Variants in TMEM200A observed in about 807,000 individuals in gnomAD.
TMEM200A encodes two transmembrane C.
In TMEM200A, 12 loss-of-function variants were observed where a neutral mutation model predicts 24.3. That is an observed-to-expected ratio of 0.49 (90% CI 0.32 to 0.80). TMEM200A has a LOEUF of 0.80. Among genes scored for constraint, TMEM200A ranks in the 30% least tolerant of loss-of-function variants. The probability of loss-of-function intolerance (pLI) is 0.04; values close to 1 mark genes in which losing one functional copy is unlikely to be tolerated. For missense variants in TMEM200A, 545 were observed against 614.4 expected, an observed-to-expected ratio of 0.89 and a Z score of 1.19; for synonymous variants, 224 against 224.4, an observed-to-expected ratio of 1.00 and a Z score of 0.02.
chr6:130,386,151 A>C (rs73611678), intron 2 of TMEM200A, among the ~76,000 whole-genome samples: 15,846 of 152,172 alleles, frequency 0.1, 1,448 homozygotes, highest in African/African-American at 0.25. Context: ...CTGAGTAATC[A>C]CAGCCCCTCT....
intron 1 of TMEM200A, among the ~76,000 whole-genome samples, chr6:130,374,186 C>A (rs1331510722): frequency 6.6e-6 from 1 of 152,088 alleles, no homozygotes; most frequent in African/African-American, 2.4e-5. Flanking sequence ...GGATGAGAGC[C>A]CCTTTTTGCA....
At chr6:130,423,327 C>T (rs1450202375) in intron 2 of TMEM200A, among the ~76,000 whole-genome samples, 1 of 152,090 alleles carries the variant, frequency 6.6e-6, no homozygotes, top group Non-Finnish European at 1.5e-5. Flanking sequence ...GAAAAAGTCT[C>T]AAATAAATGA....
chr6:130,415,626 A>G (rs1032596130), intron 2 of TMEM200A, among the ~76,000 whole-genome samples: 7 of 152,192 alleles, frequency 4.6e-5, no homozygotes, highest in Non-Finnish European at 8.8e-5. Context: ...CGAGAAATCT[A>G]TCCACCCCTC....
intron 2 of TMEM200A, among the ~76,000 whole-genome samples, chr6:130,404,587 A>G (rs1255983842): frequency 6.6e-6 from 1 of 152,160 alleles, no homozygotes; most frequent in African/African-American, 2.4e-5. Context: ...TGTCAGATGC[A>G]TAGTTTGCAA....
At chr6:130,372,732 C>G (rs1265871954) in intron 1 of TMEM200A, among the ~76,000 whole-genome samples, 1 of 152,108 alleles carries the variant, frequency 6.6e-6, no homozygotes, top group Non-Finnish European at 1.5e-5. Context: ...TTTGTATCTG[C>G]TTAGGTGTGT....
At chr6:130,399,572 G>T (rs1309233314) in intron 2 of TMEM200A, among the ~76,000 whole-genome samples, 1 of 151,308 alleles carries the variant, frequency 6.6e-6, no homozygotes, top group Non-Finnish European at 1.5e-5. Flanking sequence ...GACAAATTTT[G>T]TTTAAAAACA....
rs17053432 is a variant in TMEM200A at position 130,441,142 on chromosome 6, G to T, written c.720G>T (p.Gly240=). 0.025 allele frequency: 39,545 copies of T among 1,614,010 alleles called. 506 individuals are homozygous for T. Among genetic ancestry groups the T allele is most frequent in the Non-Finnish European group, 0.027 (32,022 of 1,179,974 alleles). Residue 240 remains glycine (G), a synonymous_variant, in exon 3 of 3, where the codon GGG becomes GGT. Coordinates refer to ENST00000296978, the MANE Select transcript of TMEM200A (RefSeq NM_001258277.2). ...TGTTAAATGAAGGTAAGAGTTCTGG[G>T]CATCTTATGCCCCCTTTGCTCTCTG... ...ELMLNEGKSS[G]HLMPPLLSDS...
intron 2 of TMEM200A, among the ~76,000 whole-genome samples, chr6:130,388,519 C>T (rs1300452927): frequency 1.3e-5 from 2 of 152,174 alleles, no homozygotes; most frequent in Admixed American, 6.5e-5. Context: ...CTCGCTTGTA[C>T]ATGTTTTCAT....
At chr6:130,436,631 CTTTTTTTTTTTTT>C (rs1203926640) in intron 2 of TMEM200A, among the ~76,000 whole-genome samples, 1,827 of 92,954 alleles carry the variant, frequency 0.02, 56 homozygotes, top group African/African-American at 0.065. Flanking sequence ...TTTCTTTATC[CTTTTTTTTTTTTT>C]TTTTTTTTTT....
chr6:130,423,259 A>G (rs79274866), intron 2 of TMEM200A, among the ~76,000 whole-genome samples: 3,632 of 152,260 alleles, frequency 0.024, 147 homozygotes, highest in African/African-American at 0.082. Flanking sequence ...CAGCAGCTGA[A>G]TATAGACAGC....
intron 2 of TMEM200A, among the ~76,000 whole-genome samples, chr6:130,397,598 G>A (rs1416080063): frequency 1.3e-5 from 2 of 150,940 alleles, no homozygotes; most frequent in Non-Finnish European, 3.0e-5. Flanking sequence ...TTTACTTTGT[G>A]TCATTTATGT....
rs574012402 is a variant in TMEM200A at position 130,440,340 on chromosome 6, T to C, written c.-16-67T>C. The C allele has an allele frequency of 8.4e-5, 119 of 1,421,200 alleles. No individual in the cohort carries two copies. The South Asian group carries it at 2.1e-3, about 25-fold the overall frequency. The allele number at this position is 1,421,200 out of a possible 1,614,324, so 88.0% of individuals were successfully genotyped here. On this transcript the variant is annotated intron_variant, in intron 2 of 2. Transcript: ENST00000296978. ...AAATTCTGTGTAAACAGTTGTTTAATTGAACTGATGCTCATACCCCAGGAA... is the reference window on the plus strand; with the variant it reads ...AAATTCTGTGTAAACAGTTGTTTAACTGAACTGATGCTCATACCCCAGGAA...
chr6:130,407,802 CCTGA>C (rs1779239623), intron 2 of TMEM200A, among the ~76,000 whole-genome samples: 2 of 152,196 alleles, frequency 1.3e-5, no homozygotes, highest in Admixed American at 1.3e-4. Flanking sequence ...AGGAAGGGAG[CCTGA>C]CTCTCACAAA....
At chr6:130,371,389 A>G (rs1001638183) in intron 1 of TMEM200A, among the ~76,000 whole-genome samples, 4 of 152,224 alleles carry the variant, frequency 2.6e-5, no homozygotes, top group African/African-American at 9.6e-5. Flanking sequence ...TTATGAGGCC[A>G]TTAAGCAGTA....
At chr6:130,396,887 T>C (rs1448824876) in intron 2 of TMEM200A, among the ~76,000 whole-genome samples, 1 of 152,140 alleles carries the variant, frequency 6.6e-6, no homozygotes, top group Non-Finnish European at 1.5e-5. Flanking sequence ...CGGCATTCCA[T>C]GTTTCACCCT....
intron 2 of TMEM200A, among the ~76,000 whole-genome samples, chr6:130,404,197 A>G (rs1203819876): frequency 6.6e-6 from 1 of 152,098 alleles, no homozygotes; most frequent in African/African-American, 2.4e-5. Context: ...ATAACCAGTA[A>G]TGGGATTGCT....
At chr6:130,400,778 ACTGAAGTTTT>A in intron 2 of TMEM200A, among the ~76,000 whole-genome samples, 1 of 152,122 alleles carries the variant, frequency 6.6e-6, no homozygotes, top group South Asian at 2.1e-4. Context: ...TGAGCCAGTG[ACTGAAGTTTT>A]CTTGCCTCTT....
intron 2 of TMEM200A, among the ~76,000 whole-genome samples, chr6:130,401,948 G>C (rs1267947897): frequency 1.3e-5 from 2 of 151,502 alleles, no homozygotes; most frequent in South Asian, 4.2e-4. Flanking sequence ...TCTTTATATG[G>C]TAGGGACAGT....
chr6:130,434,818 G>A (rs936741639), intron 2 of TMEM200A, among the ~76,000 whole-genome samples: 1 of 152,120 alleles, frequency 6.6e-6, no homozygotes, highest in African/African-American at 2.4e-5. Flanking sequence ...GTGGGCTTGA[G>A]TGCGGGCAAG....
Sources: gnomAD v4.1 joint callset for allele counts (sites outside exome capture counted in the v4.1 genomes callset) on GRCh38, gnomAD v4.1.1 for gene constraint, MANE v1.5 for transcripts, NCBI Gene and HGNC (gene_info 2026-07-23, HGNC 2026-07-21) for gene names.